The following CACHD1 variants were observed in gnomAD, a reference collection of about 807,000 sequenced individuals.
CACHD1 encodes the protein VWFA and cache domain-containing protein 1.
CACHD1 carries 71 observed loss-of-function variants against 138.7 expected under a neutral mutation model. The ratio of observed to expected loss-of-function variants is 0.51; its 90% CI spans 0.42 to 0.62. The LOEUF (loss-of-function observed/expected upper bound fraction) is 0.62, where lower values mean the gene tolerates loss of function less well. Ranked by LOEUF, CACHD1 falls within the 20% of genes least tolerant of loss-of-function variation. CACHD1 has a pLI of 0.00. For synonymous variants in CACHD1, 578 were observed against 591.5 expected (o/e 0.98, Z 0.33); for missense variants, 1,389 against 1,625.3 (o/e 0.85, Z 2.50).
At chr1:64,614,978 C>T (rs1426339959) in intron 4 of CACHD1, among the ~76,000 whole-genome samples, 2 of 152,156 alleles carry the variant, frequency 1.3e-5, no homozygotes, top group Non-Finnish European at 2.9e-5. Flanking sequence ...GCTCCCTTTA[C>T]ATCTAAGCTC....
intron 2 of CACHD1, among the ~76,000 whole-genome samples, chr1:64,555,713 G>A (rs902474547): frequency 6.6e-6 from 1 of 152,122 alleles, no homozygotes; most frequent in South Asian, 2.1e-4. Context: ...GAGCCACCCC[G>A]CCTGGCCTCA....
chr1:64,573,644 G>C (rs1259299145), intron 2 of CACHD1, among the ~76,000 whole-genome samples: 2 of 152,118 alleles, frequency 1.3e-5, no homozygotes, highest in East Asian at 3.9e-4. Flanking sequence ...GGCAAATAAT[G>C]GTATATTGTG....
intron 3 of CACHD1, among the ~76,000 whole-genome samples, chr1:64,588,307 C>T (rs770635140): frequency 3.9e-5 from 6 of 152,176 alleles, no homozygotes; most frequent in South Asian, 2.1e-4. Context: ...CTAAGAATAG[C>T]TATCCCTGAA....
At position 64,470,730 on chromosome 1, in the gene CACHD1, G is replaced by C; in HGVS notation, c.-15G>C. On this transcript the variant is annotated 5_prime_UTR_variant, in exon 1 of 27. Coordinates refer to ENST00000651257, the MANE Select transcript of CACHD1 (RefSeq NM_020925.4). The surrounding 1 kb of genome is among the most constrained non-coding windows in gnomAD (Gnocchi z 5.2). The stretch of plus-strand genomic sequence containing the variant: ...CGCGCCCGGAGCCCGTCGGCGGGGA[G>C]TGGGGGGAGGCAGCATGGCCCGCCA... The C allele has an allele frequency of 1.1e-5, 6 of 562,970 alleles. No homozygotes were observed. The Middle Eastern group carries it at 1.5e-3, about 136-fold the overall frequency. The allele number at this position is 562,970 out of a possible 1,614,324, so 34.9% of individuals were successfully genotyped here.
intron 1 of CACHD1, among the ~76,000 whole-genome samples, chr1:64,526,895 C>T (rs1263244733): frequency 6.6e-6 from 1 of 152,128 alleles, no homozygotes; most frequent in African/African-American, 2.4e-5. Context: ...TTCGCAAAAC[C>T]ATTTATTCCT....
chr1:64,470,888 G>A lies in CACHD1; in HGVS notation c.144G>A (p.Leu48=). 1.2e-6 allele frequency: 2 copies of A among 1,608,814 alleles called. No homozygotes were observed. The highest frequency in any genetic ancestry group is 1.7e-6 in the Non-Finnish European group (2 of 1,178,558). The change falls in exon 1 of 27, where the codon CTG becomes CTA. Residue 48 remains leucine (L), a synonymous_variant. Transcript: ENST00000651257. This position sits in a 1 kb window ranked among gnomAD's most constrained non-coding sequence, Gnocchi z 5.2. Reference sequence around the variant, plus strand: ...CCATCCTGGACGAGGCGCAAGTGCTGGCGAGCCAGATGCGGAGGCTGGCGG... The same window carrying A: ...CCATCCTGGACGAGGCGCAAGTGCTAGCGAGCCAGATGCGGAGGCTGGCGG... ...DFSILDEAQV[L]ASQMRRLAAE...
At chr1:64,560,200 A>G (rs980560898) in intron 2 of CACHD1, among the ~76,000 whole-genome samples, 1 of 151,804 alleles carries the variant, frequency 6.6e-6, no homozygotes, top group Non-Finnish European at 1.5e-5. Flanking sequence ...GGCTTCCTTA[A>G]TTTTCTCTTG....
chr1:64,634,312 T>G (rs931395018), intron 7 of CACHD1, 52 bp downstream of exon 7: 1 of 1,250,498 alleles, frequency 8.0e-7, no homozygotes, highest in Non-Finnish European at 1.2e-6. Context: ...AAGATGGCAA[T>G]AGGAATATAT....
intron 4 of CACHD1, among the ~76,000 whole-genome samples, chr1:64,603,807 C>G (rs1046182660): frequency 1.3e-5 from 2 of 152,180 alleles, no homozygotes; most frequent in African/African-American, 4.8e-5. Flanking sequence ...GAGTTCCACT[C>G]CATATTTCTC....
chr1:64,474,353 CCCCACA>C (rs1646162217), intron 1 of CACHD1, among the ~76,000 whole-genome samples: 1 of 152,058 alleles, frequency 6.6e-6, no homozygotes, highest in Non-Finnish European at 1.5e-5. Context: ...GTGGAAAGAG[CCCCACA>C]TTGGGTAGGT....
rs199550689 is a variant in CACHD1 at position 64,654,847 on chromosome 1, C to T, written c.1782+44C>T. ...TGTTTGCTTGAAGAGCTACAGGGTACAGTGCTCTTCTTCATGTTGGAATTC... is the reference window on the plus strand; with the variant it reads ...TGTTTGCTTGAAGAGCTACAGGGTATAGTGCTCTTCTTCATGTTGGAATTC... On this transcript the variant is annotated intron_variant, in intron 12 of 26. Transcript: ENST00000651257. The T allele has an allele frequency of 7.2e-4, 995 of 1,378,406 alleles. 2 individuals are homozygous for T. In the Middle Eastern group the frequency reaches 0.01, roughly 14 times the overall value. The allele number at this position is 1,378,406 out of a possible 1,614,324, so 85.4% of individuals were successfully genotyped here. A position where few individuals can be genotyped will look rare whatever the true frequency, so the allele number is the denominator to read the frequency against.
chr1:64,562,186 A>T (rs1270568850), intron 2 of CACHD1, among the ~76,000 whole-genome samples: 2 of 151,934 alleles, frequency 1.3e-5, no homozygotes, highest in East Asian at 3.9e-4. Context: ...GGAATCTGTA[A>T]ATTTGTGTCT....
At chr1:64,506,984 A>T (rs540774032) in intron 1 of CACHD1, among the ~76,000 whole-genome samples, 1 of 152,348 alleles carries the variant, frequency 6.6e-6, no homozygotes, top group South Asian at 2.1e-4. Context: ...GACTGTTGTT[A>T]GGTAGGGATT....
chr1:64,667,724 T>A (rs1649681555), intron 16 of CACHD1, among the ~76,000 whole-genome samples: 1 of 152,192 alleles, frequency 6.6e-6, no homozygotes, highest in African/African-American at 2.4e-5. Context: ...GGGCCAGAAC[T>A]GGGCTGTTAA....
rs769491884 is a variant in CACHD1 at position 64,470,915 on chromosome 1, C to G, written c.171C>G (p.Ala57=). The part of the protein sequence containing the change: ...VLASQMRRLA[A]EELGVVTMQR... ...CGAGCCAGATGCGGAGGCTGGCGGC[C>G]GAGGAGCTGGGGGTCGTCACCATGC... is the stretch of plus-strand genomic sequence containing the variant. The change falls in exon 1 of 27, where the codon GCC becomes GCG. Residue 57 remains alanine, a synonymous_variant. Coordinates refer to ENST00000651257, the MANE Select transcript of CACHD1 (RefSeq NM_020925.4). The surrounding 1 kb of genome is among the most constrained non-coding windows in gnomAD (Gnocchi z 5.2). The G allele has an allele frequency of 7.5e-6, 12 of 1,607,510 alleles. No individual in the cohort carries two copies. The African/African-American group carries it at 1.5e-4, about 20-fold the overall frequency.
chr1:64,471,946 G>A (rs1332461689), intron 1 of CACHD1, among the ~76,000 whole-genome samples: 1 of 152,142 alleles, frequency 6.6e-6, no homozygotes, highest in African/African-American at 2.4e-5. Context: ...GATTAGGAGA[G>A]GTTGAGATGA....
chr1:64,529,768 T>C (rs561347337), intron 1 of CACHD1, among the ~76,000 whole-genome samples: 5 of 152,230 alleles, frequency 3.3e-5, no homozygotes, highest in Non-Finnish European at 7.3e-5. Flanking sequence ...CCCTATGTTA[T>C]GTTTTCATTT....
intron 2 of CACHD1, among the ~76,000 whole-genome samples, chr1:64,562,340 CTTCTCTTTTT>C (rs1334328736): frequency 1.2e-5 from 1 of 81,344 alleles, no homozygotes; most frequent in Non-Finnish European, 2.9e-5. Flanking sequence ...GTGTCTTTTT[CTTCTCTTTTT>C]AAATTTTTTT....
chr1:64,545,780 C>T (rs965375159), intron 1 of CACHD1, among the ~76,000 whole-genome samples: 8 of 152,008 alleles, frequency 5.3e-5, no homozygotes, highest in South Asian at 2.1e-4. Flanking sequence ...GAGAAGATAC[C>T]GCCAGTTTTC....
Sources: gnomAD v4.1 joint callset for allele counts (sites outside exome capture counted in the v4.1 genomes callset) on GRCh38, gnomAD v4.1.1 for gene constraint, Gnocchi (gnomAD v3.1) non-coding constraint, MANE v1.5 for transcripts, NCBI Gene and HGNC (gene_info 2026-07-23, HGNC 2026-07-21) for gene names.